The following ZNF695 variants were observed in gnomAD, a reference collection of about 807,000 sequenced individuals.
The protein encoded by ZNF695 is zinc finger protein 695.
A neutral mutation model predicts 11.2 loss-of-function variants in ZNF695; 11 were observed. The observed-to-expected ratio is 0.98, with a 90% CI of 0.62 to 1.62. ZNF695 has a LOEUF of 1.62. ZNF695 is among the 40% of genes most tolerant of loss of function. The pLI is 0.00. For synonymous variants in ZNF695, 190 were observed against 201.4 expected (o/e 0.94, Z 0.48); for missense variants, 559 against 590.5 (o/e 0.95, Z 0.55).
At chr1:246,989,233 C>T (rs771898535) in intron 3 of ZNF695, among the ~76,000 whole-genome samples, 7 of 152,114 alleles carry the variant, frequency 4.6e-5, no homozygotes, top group Non-Finnish European at 1.0e-4. Flanking sequence ...GCATTGCATT[C>T]CAGCCTGGGC....
rs966957977 is a variant in ZNF695, at chr1:246,985,707, A to G, written c.*1260T>C. The G allele has an allele frequency of 3.0e-6, 3 of 985,266 alleles. No individual in the cohort carries two copies. Among genetic ancestry groups the G allele is most frequent in the Admixed American group, 6.2e-5 (1 of 16,258 alleles). 61.0% of individuals were successfully genotyped at this position (985,266 alleles called of 1,614,324 possible). On this transcript the variant is annotated 3_prime_UTR_variant, in exon 4 of 4. Coordinates refer to ENST00000339986, the MANE Select transcript of ZNF695 (RefSeq NM_020394.5). ...TAATGTGCAATAGGAAAAACAACTG[A>G]CTTGTAAAACTCAAATGTTTCTTTC...
rs527864511 is a variant in ZNF695, at chr1:246,992,988, G to A, written c.260-4733C>T. ...GAATGATGGTATACTTTGACCGACAGGTTGGTTCTGTTGAGACCAATAATA... is the reference window on the plus strand; with the variant it reads ...GAATGATGGTATACTTTGACCGACAAGTTGGTTCTGTTGAGACCAATAATA... On this transcript the variant is annotated intron_variant, in intron 3 of 3. Coordinates refer to ENST00000339986, the MANE Select transcript of ZNF695 (RefSeq NM_020394.5). Among the ~76,000 whole-genome samples the A allele has an allele frequency of 9.2e-5, 14 of 152,322 alleles. No individual in the cohort carries two copies. In the South Asian group the frequency reaches 2.7e-3, roughly 29 times the overall value.
chr1:247,000,273 G>A (rs926792181), intron 1 of ZNF695, among the ~76,000 whole-genome samples, 199 bp from the exon 2 acceptor site: 2 of 152,170 alleles, frequency 1.3e-5, no homozygotes, highest in African/African-American at 2.4e-5. Context: ...TTGGGAGGCC[G>A]AGGCAGGCGG....
chr1:246,974,161 C>CAAAAAA (rs912540573), intron 4 of ZNF695, among the ~76,000 whole-genome samples: 1 of 142,706 alleles, frequency 7.0e-6, no homozygotes, highest in African/African-American at 2.6e-5. Flanking sequence ...AACAAACAAA[C>CAAAAAA]AAAAAAAAAC....
At chr1:246,960,149 G>T (rs1179755253) in intron 5 of ZNF695, among the ~76,000 whole-genome samples, 7 of 152,118 alleles carry the variant, frequency 4.6e-5, no homozygotes, top group African/African-American at 1.7e-4. Flanking sequence ...CACACATTTT[G>T]CCACGTCATT....
intron 3 of ZNF695, among the ~76,000 whole-genome samples, chr1:246,992,778 T>C (rs887577409): frequency 6.6e-6 from 1 of 152,178 alleles, no homozygotes; most frequent in Non-Finnish European, 1.5e-5. Context: ...CCCCATAGAA[T>C]GGAAGGAAAG....
At chr1:246,950,650 CAAAAAAAAAAA>C (rs200143022) in intron 5 of ZNF695, among the ~76,000 whole-genome samples, 16 of 105,374 alleles carry the variant, frequency 1.5e-4, no homozygotes, top group East Asian at 9.0e-4. Flanking sequence ...AACTCCGTTT[CAAAAAAAAAAA>C]AAAAAAAAAA....
At chr1:246,970,906 A>C (rs1052329800) in intron 4 of ZNF695, among the ~76,000 whole-genome samples, 1 of 152,184 alleles carries the variant, frequency 6.6e-6, no homozygotes, top group South Asian at 2.1e-4. Context: ...AGCTGGGATT[A>C]CAGGCATGCG....
chr1:246,998,916 C>T (rs2453405), intron 3 of ZNF695, among the ~76,000 whole-genome samples: 88,457 of 151,250 alleles, frequency 0.58, 27,763 homozygotes, highest in East Asian at 0.97. Flanking sequence ...TGTAGTGAGC[C>T]GAGATTGTGC....
Position 246,995,216 on chromosome 1 carries a change from T to C in ZNF695, c.259+4132A>G, listed in dbSNP as rs72768317. Among the ~76,000 whole-genome samples the C allele has an allele frequency of 6.6e-3, 1,010 of 152,316 alleles. 12 individuals are homozygous for C. The highest frequency in any genetic ancestry group is 7.1e-3 in the Non-Finnish European group (486 of 68,042). ...CCCATTTTTAAAAATTAAAATCTTA[T>C]AGATTATTATTTATGACCAAAATGG... is the stretch of plus-strand genomic sequence containing the variant. On this transcript the variant is annotated intron_variant, in intron 3 of 3. Coordinates refer to ENST00000339986, the MANE Select transcript of ZNF695 (RefSeq NM_020394.5).
At chr1:246,982,812 A>G (rs1668744152), downstream of ZNF695, among the ~76,000 whole-genome samples, 1 of 152,122 alleles carries the variant, frequency 6.6e-6, no homozygotes, top group African/African-American at 2.4e-5. Flanking sequence ...AATAAGTTTG[A>G]AAATTTTCTC....
chr1:246,998,004 T>C lies in ZNF695; in HGVS notation c.259+1344A>G, dbSNP rs149632558. ...TGAGTACAGTTAATAATATTTTGTA[T>C]GCTTAAAATTTGCGTTAACACAGCA... is the stretch of plus-strand genomic sequence containing the variant. On this transcript the variant is annotated intron_variant, in intron 3 of 3. Coordinates refer to ENST00000339986, the MANE Select transcript of ZNF695 (RefSeq NM_020394.5). Among the ~76,000 whole-genome samples the C allele has an allele frequency of 7.2e-4, 109 of 152,356 alleles. 1 individual carries two copies. Among genetic ancestry groups the C allele is most frequent in the African/African-American group, 2.5e-3 (104 of 41,582 alleles).
rs192590958 is a variant in ZNF695 at position 246,989,180 on chromosome 1, G to A, written c.260-925C>T. 2.1e-3 allele frequency among the ~76,000 whole-genome samples: 317 copies of A among 152,106 alleles called. 1 individual carries two copies. The highest frequency in any genetic ancestry group is 6.3e-3 in the African/African-American group (260 of 41,448). ...CTCGGGAGGCTGAGGCAGGAGAATC[G>A]CTTGAACCCGGGAGGTGGAGGTTGT... On this transcript the variant is annotated intron_variant, in intron 3 of 3. Transcript: ENST00000339986.
chr1:246,970,867 A>G (rs1325813934), intron 4 of ZNF695, among the ~76,000 whole-genome samples: 1 of 152,206 alleles, frequency 6.6e-6, no homozygotes, highest in East Asian at 1.9e-4. Flanking sequence ...CCCGAGTTCA[A>G]GCGATTCTCC....
rs545679711 is a variant in ZNF695, at chr1:246,976,578, A to G, written c.391-8786T>C. ...GGGAGGCCAAGGCGGGCAGATCACG[A>G]GGTGAGGAGATCGAGACCATCCTGG... On this transcript the variant is annotated intron_variant, in intron 4 of 5. Transcript: ENST00000487338. Among the ~76,000 whole-genome samples, 34 of 151,784 alleles carry G rather than the reference A, an allele frequency of 2.2e-4. 1 individual carries two copies. The South Asian group carries it at 3.7e-3, about 17-fold the overall frequency.
chr1:247,001,238 A>C (rs1338083228), intron 1 of ZNF695, among the ~76,000 whole-genome samples: 1 of 152,110 alleles, frequency 6.6e-6, no homozygotes, highest in East Asian at 1.9e-4. Context: ...AACTATTCTT[A>C]TTTCAGACAA....
chr1:246,990,943 G>A (rs1183292085), intron 3 of ZNF695, among the ~76,000 whole-genome samples: 1 of 152,016 alleles, frequency 6.6e-6, no homozygotes, highest in Non-Finnish European at 1.5e-5. Flanking sequence ...AAACCTATGG[G>A]ATACAGCAAA....
chr1:246,974,081 G>T (rs1285465520), intron 4 of ZNF695, among the ~76,000 whole-genome samples: 1 of 151,352 alleles, frequency 6.6e-6, no homozygotes, highest in Non-Finnish European at 1.5e-5. Flanking sequence ...TGTAAGGCTT[G>T]GGTAATGAAA....
chr1:246,978,158 G>A (rs1480568346), intron 4 of ZNF695, among the ~76,000 whole-genome samples: 2 of 152,150 alleles, frequency 1.3e-5, no homozygotes, highest in African/African-American at 4.8e-5. Context: ...GTACTATCAT[G>A]AGTTCTGACA....
Sources: allele counts gnomAD v4.1 joint callset (sites outside exome capture counted in the v4.1 genomes callset), GRCh38; gene constraint gnomAD v4.1.1; transcripts MANE v1.5; gene names NCBI Gene and HGNC (gene_info 2026-07-23, HGNC 2026-07-21).